CSMD1: variants seen among roughly 807,000 people sequenced by gnomAD.
CSMD1 encodes the protein CUB and Sushi multiple domains 1.
In CSMD1, 213 loss-of-function variants were observed where a neutral mutation model predicts 417.5. The ratio of observed to expected loss-of-function variants is 0.51; its 90% CI spans 0.46 to 0.57. The LOEUF (loss-of-function observed/expected upper bound fraction) is 0.57. CSMD1 is among the 20% of genes least tolerant of loss of function. CSMD1 has a pLI of 0.00. For synonymous variants in CSMD1, 2,862 were observed against 1,736.8 expected (o/e 1.65, Z -16.11); for missense variants, 6,923 against 4,529.7 (o/e 1.53, Z -15.17).
intron 3 of CSMD1, among the ~76,000 whole-genome samples, chr8:4,215,326 G>A (rs1418878942): frequency 1.3e-5 from 2 of 152,036 alleles, no homozygotes; most frequent in African/African-American, 4.8e-5. Context: ...GTTACATTTG[G>A]CTTTTAGATG....
chr8:4,133,551 G>T (rs540847989), intron 3 of CSMD1, among the ~76,000 whole-genome samples: 13 of 152,192 alleles, frequency 8.5e-5, no homozygotes, highest in South Asian at 2.1e-4. Flanking sequence ...ATGGTATAAG[G>T]GTTTTGTAGG....
chr8:3,272,785 T>G (rs1221617101), intron 26 of CSMD1, among the ~76,000 whole-genome samples: 1 of 149,924 alleles, frequency 6.7e-6, no homozygotes, highest in African/African-American at 2.5e-5. Context: ...TGATTTTGTA[T>G]CCTGAGACTT....
chr8:3,952,954 A>G (rs1232518483), intron 5 of CSMD1, among the ~76,000 whole-genome samples: 1 of 152,158 alleles, frequency 6.6e-6, no homozygotes, highest in East Asian at 1.9e-4. Flanking sequence ...AAAGGAATAC[A>G]AAACAACCTT....
intron 12 of CSMD1, among the ~76,000 whole-genome samples, chr8:3,450,967 C>T (rs1400545420): frequency 2.0e-5 from 3 of 152,150 alleles, no homozygotes; most frequent in Non-Finnish European, 2.9e-5. Flanking sequence ...CACATCCTCT[C>T]CAGCACCTGT....
intron 1 of CSMD1, among the ~76,000 whole-genome samples, chr8:4,642,788 T>C (rs1047496907): frequency 5.3e-5 from 8 of 152,188 alleles, no homozygotes; most frequent in Non-Finnish European, 7.3e-5. Context: ...GAGGGAATGG[T>C]TTTGCTATTC....
intron 3 of CSMD1, among the ~76,000 whole-genome samples, chr8:4,265,136 T>C (rs1419663740): frequency 6.6e-6 from 1 of 152,178 alleles, no homozygotes; most frequent in Non-Finnish European, 1.5e-5. Flanking sequence ...CTAACTTAAT[T>C]TGACCTCGAC....
chr8:3,538,321 C>T (rs1201302816), intron 10 of CSMD1, among the ~76,000 whole-genome samples: 1 of 152,140 alleles, frequency 6.6e-6, no homozygotes, highest in Non-Finnish European at 1.5e-5. Flanking sequence ...CGTGCGATGC[C>T]TCATCTGAGA....
rs530652246 is a variant in CSMD1, at chr8:4,722,302, A to G, written c.86-84744T>C. 2.6e-5 allele frequency among the ~76,000 whole-genome samples: 4 copies of G among 152,096 alleles called. 1 individual carries two copies. In the South Asian group the frequency reaches 6.2e-4, roughly 24 times the overall value. On this transcript the variant is annotated intron_variant, in intron 1 of 69. Transcript: ENST00000635120. ...AAATACAGACTGCAAGAAAGAGAAA[A>G]AAATTGTTTTGGTGAAGAAAATATA...
chr8:3,169,758 G>A (rs541429257), intron 37 of CSMD1, among the ~76,000 whole-genome samples: 5 of 152,120 alleles, frequency 3.3e-5, no homozygotes, highest in Non-Finnish European at 5.9e-5. Context: ...GATATAGCAC[G>A]GTTTCTTTTC....
intron 5 of CSMD1, among the ~76,000 whole-genome samples, chr8:3,889,670 T>A (rs1806820784): frequency 1.3e-5 from 2 of 151,644 alleles, no homozygotes; most frequent in Admixed American, 1.3e-4. Context: ...ATCTACTGTC[T>A]ATCTGCAAAA....
chr8:3,554,955 G>C (rs1156334029), intron 10 of CSMD1, among the ~76,000 whole-genome samples: 2 of 152,046 alleles, frequency 1.3e-5, no homozygotes, highest in African/African-American at 4.8e-5. Context: ...GTGTTAAAGA[G>C]AAGCCCAGAC....
At chr8:4,368,099 G>C (rs1595466) in intron 3 of CSMD1, among the ~76,000 whole-genome samples, 46,407 of 151,914 alleles carry the variant, frequency 0.31, 7,033 homozygotes, top group East Asian at 0.38. Context: ...GTTCTCAAGG[G>C]GAGTGCTTCT....
At chr8:4,840,780 T>C (rs1485022949) in intron 1 of CSMD1, among the ~76,000 whole-genome samples, 1 of 152,190 alleles carries the variant, frequency 6.6e-6, no homozygotes, top group Non-Finnish European at 1.5e-5. Context: ...AAAATGTCCA[T>C]GTCGTTATGC....
chr8:4,836,841 A>G (rs1327345206), intron 1 of CSMD1, among the ~76,000 whole-genome samples: 1 of 152,018 alleles, frequency 6.6e-6, no homozygotes, highest in Non-Finnish European at 1.5e-5. Flanking sequence ...AAAAAAGTAG[A>G]CGCTGTCTCC....
intron 5 of CSMD1, among the ~76,000 whole-genome samples, chr8:3,920,649 C>T (rs1584966831): frequency 6.6e-6 from 1 of 152,122 alleles, no homozygotes; most frequent in East Asian, 1.9e-4. Flanking sequence ...AAGTATATTC[C>T]TTCAACACAT....
At chr8:4,216,702 A>G (rs1250171361) in intron 3 of CSMD1, among the ~76,000 whole-genome samples, 2 of 152,170 alleles carry the variant, frequency 1.3e-5, no homozygotes, top group East Asian at 3.9e-4. Context: ...AGCACCAGTC[A>G]TCTAGGAGGA....
At chr8:3,409,021 A>G (rs1396636052) in intron 13 of CSMD1, among the ~76,000 whole-genome samples, 2 of 152,136 alleles carry the variant, frequency 1.3e-5, no homozygotes, top group African/African-American at 4.8e-5. Context: ...TTCCAAACCA[A>G]TACCACCACC....
intron 21 of CSMD1, among the ~76,000 whole-genome samples, chr8:3,351,665 T>A (rs969852472): frequency 2.7e-5 from 4 of 148,898 alleles, no homozygotes; most frequent in African/African-American, 9.8e-5. Flanking sequence ...CTAGAAAAAT[T>A]ATTTTAATAC....
intron 3 of CSMD1, among the ~76,000 whole-genome samples, chr8:4,419,316 A>G (rs1204286802): frequency 1.3e-5 from 2 of 152,180 alleles, no homozygotes; most frequent in Non-Finnish European, 2.9e-5. Flanking sequence ...TAACTAGTTC[A>G]ATTTCTTAAA....
Sources: gnomAD v4.1 joint callset for allele counts (sites outside exome capture counted in the v4.1 genomes callset) on GRCh38, gnomAD v4.1.1 for gene constraint, MANE v1.5 for transcripts, NCBI Gene and HGNC (gene_info 2026-07-23, HGNC 2026-07-21) for gene names.